The following CASP6 variants were observed in gnomAD, a reference collection of about 807,000 sequenced individuals.
CASP6 encodes the protein caspase 6, also known as caspase-6.
In CASP6, 20 loss-of-function variants were observed where a neutral mutation model predicts 31.8. The ratio of observed to expected loss-of-function variants is 0.63; its 90% CI spans 0.44 to 0.91. The LOEUF (loss-of-function observed/expected upper bound fraction) is 0.91. Among genes scored for constraint, CASP6 ranks in the 40% least tolerant of loss-of-function variants. The probability of loss-of-function intolerance (pLI) is 0.00; values close to 1 mark genes in which losing one functional copy is unlikely to be tolerated. For missense variants in CASP6, 328 were observed against 361.1 expected, an observed-to-expected ratio of 0.91 and a Z score of 0.74; for synonymous variants, 130 against 127.8, an observed-to-expected ratio of 1.02 and a Z score of -0.12.
chr4:109,689,052 C>T lies in CASP6; in HGVS notation c.*278G>A, dbSNP rs952952212. ...GTGCAATGGCGCAATCTCGGCTCAC[C>T]GCAGCCTCCACCTCCTGGGTTCAAG... On this transcript the variant is annotated 3_prime_UTR_variant, in exon 7 of 7. Coordinates refer to ENST00000265164, the MANE Select transcript of CASP6 (RefSeq NM_001226.4). 20 of 278,916 alleles carry T rather than the reference C, an allele frequency of 7.2e-5. No individual in the cohort carries two copies. Among genetic ancestry groups the T allele is most frequent in the East Asian group, 2.2e-4 (3 of 13,414 alleles). 17.3% of individuals were successfully genotyped at this position (278,916 alleles called of 1,614,324 possible).
At chr4:109,692,679 G>A (rs1029038116) in intron 5 of CASP6, 1 of 152,074 alleles carries the variant, frequency 6.6e-6, no homozygotes, top group Non-Finnish European at 1.5e-5. Flanking sequence ...TATTCAACAC[G>A]AGTAAACTCA....
At chr4:109,670,702 C>T in the CASP6 span, among the ~76,000 whole-genome samples, 4 of 150,086 alleles carry the variant, frequency 2.7e-5, no homozygotes, top group African/African-American at 7.4e-5. Context: ...GGCAACAGAG[C>T]GAGGAGACTC....
upstream of CASP6, among the ~76,000 whole-genome samples, chr4:109,704,300 GA>G (rs1730532469): frequency 6.6e-6 from 1 of 152,202 alleles, no homozygotes; most frequent in African/African-American, 2.4e-5. Flanking sequence ...GCCAAGTTGT[GA>G]GTGCAAAGGA....
At chr4:109,665,720 A>G in the CASP6 span, among the ~76,000 whole-genome samples, 2 of 152,074 alleles carry the variant, frequency 1.3e-5, no homozygotes, top group African/African-American at 2.4e-5. Context: ...AATATTTTCA[A>G]TCCATGGTTG....
chr4:109,680,749 T>C, the CASP6 span, among the ~76,000 whole-genome samples: 1 of 152,166 alleles, frequency 6.6e-6, no homozygotes, highest in Admixed American at 6.5e-5. Context: ...ACTGGAAAAC[T>C]TACTGGGCTG....
In CASP6 at chr4:109,690,989, G is replaced by A. The variant is rs761422782; in HGVS notation, c.504C>T (p.His168=). Residue 168 remains histidine, a synonymous_variant, in exon 6 of 7, where the codon CAC becomes CAT. Transcript: ENST00000265164. ...FIIQACRGNQ[H]DVPVIPLDVV... is the part of the protein sequence containing the mutation. ...CATCCAAAGGAATGACTGGCACATC[G>A]TGCTGGTTTCCCCGACATGCCTACA... 4 of 1,611,876 alleles carry A rather than the reference G, an allele frequency of 2.5e-6. No individual in the cohort carries two copies. Among genetic ancestry groups the A allele is most frequent in the African/African-American group, 1.3e-5 (1 of 74,944 alleles).
At chr4:109,708,659 C>G in the CASP6 span, among the ~76,000 whole-genome samples, 3 of 152,208 alleles carry the variant, frequency 2.0e-5, no homozygotes, top group African/African-American at 7.2e-5. Flanking sequence ...TTCTACTTAT[C>G]TGAAAAGAGC....
At chr4:109,702,086 T>G (rs922938005) in intron 1 of CASP6, among the ~76,000 whole-genome samples, 2 of 152,164 alleles carry the variant, frequency 1.3e-5, no homozygotes, top group Non-Finnish European at 2.9e-5. Flanking sequence ...GAACATGCAC[T>G]GGGGAGTGCG....
At chr4:109,678,066 T>C in the CASP6 span, among the ~76,000 whole-genome samples, 1 of 152,016 alleles carries the variant, frequency 6.6e-6, no homozygotes, top group Non-Finnish European at 1.5e-5. Flanking sequence ...AAGCACATCT[T>C]GCACCGCCCT....
At chr4:109,669,821 CCTT>C in the CASP6 span, among the ~76,000 whole-genome samples, 12 of 152,110 alleles carry the variant, frequency 7.9e-5, no homozygotes, top group African/African-American at 2.9e-4. Context: ...CCATTAAAGG[CCTT>C]CTTCCTTTCC....
intron 6 of CASP6, among the ~76,000 whole-genome samples, chr4:109,689,843 C>T (rs5030597): frequency 6.6e-6 from 1 of 152,004 alleles, no homozygotes; most frequent in Non-Finnish European, 1.5e-5. Flanking sequence ...CATGAGATTA[C>T]TAAAAAGAAG....
intron 4 of CASP6, among the ~76,000 whole-genome samples, chr4:109,695,214 T>TA (rs559717386): frequency 2.6e-5 from 4 of 152,158 alleles, no homozygotes; most frequent in South Asian, 4.1e-4. Context: ...CTTATTTTTT[T>TA]AAAAAAATCC....
In CASP6 at chr4:109,697,736, AT is replaced by A. The variant is rs1381437972; in HGVS notation, c.115del (p.Met39TrpfsTer10). 6.2e-7 allele frequency: 1 copy of A among 1,613,800 alleles called. No homozygotes were observed. Among genetic ancestry groups the A allele is most frequent in the Non-Finnish European group, 8.5e-7 (1 of 1,179,922 alleles). ...AGCAATTCCTCTCCTCCTGTGGTCC[AT>A]TTTGTACTTTTCTGCCGGATCAAAC... ...EMFDPAEKYK[M>X]DHRRRGIALI... On this transcript the variant is annotated frameshift_variant, in exon 3 of 7. Coordinates refer to ENST00000265164, the MANE Select transcript of CASP6 (RefSeq NM_001226.4). LOFTEE classifies it high-confidence loss of function.
chr4:109,667,610 G>A, the CASP6 span, among the ~76,000 whole-genome samples: 1 of 149,630 alleles, frequency 6.7e-6, no homozygotes, highest in Non-Finnish European at 1.5e-5. Context: ...TTATAATATA[G>A]AATAGAATAT....
At chr4:109,706,834 GA>G (rs1208482841), upstream of CASP6, among the ~76,000 whole-genome samples, 1 of 152,210 alleles carries the variant, frequency 6.6e-6, no homozygotes, top group African/African-American at 2.4e-5. Flanking sequence ...CTTGAACCAG[GA>G]GGCAGAGGTT....
chr4:109,689,161 A>G lies in CASP6; in HGVS notation c.*169T>C. 1 of 603,174 alleles carries G rather than the reference A, an allele frequency of 1.7e-6. No individual in the cohort carries two copies. The allele number at this position is 603,174 out of a possible 1,614,324, so 37.4% of individuals were successfully genotyped here. ...TAGCTAAATTTTTTTTTGCATTTTT[A>G]GTAGAGACGGGGCTTCTCCATGTTG... On this transcript the variant is annotated 3_prime_UTR_variant, in exon 7 of 7. Transcript: ENST00000265164.
chr4:109,685,179 A>G, downstream of CASP6: 1 of 697,020 alleles, frequency 1.4e-6, no homozygotes, highest in Non-Finnish European at 2.5e-6. Context: ...TGCTGAGTCA[A>G]GTATCTTTCT....
intron 3 of CASP6, 43 bp downstream of exon 3, chr4:109,697,579 A>G: frequency 6.4e-7 from 1 of 1,556,614 alleles, no homozygotes; most frequent in Non-Finnish European, 8.7e-7. Flanking sequence ...AAGTAATTTT[A>G]TCACTTAACT....
At chr4:109,706,131 T>TATATATATATATATA (rs60918624), upstream of CASP6, among the ~76,000 whole-genome samples, 98 of 36,056 alleles carry the variant, frequency 2.7e-3, 12 homozygotes, top group African/African-American at 9.0e-3. Flanking sequence ...CCTATCCATT[T>TATATATATATATATA]TATATATATA....
Sources: allele counts gnomAD v4.1 joint callset (sites outside exome capture counted in the v4.1 genomes callset), GRCh38; gene constraint gnomAD v4.1.1; transcripts MANE v1.5; gene names NCBI Gene and HGNC (gene_info 2026-07-23, HGNC 2026-07-21).